Variants in ANK3 observed in about 807,000 individuals in gnomAD.
ANK3 encodes the protein ankyrin-3.
Under a neutral mutation model 370.9 loss-of-function variants are expected in ANK3, and 57 were observed. The observed-to-expected ratio is 0.15, with a 90% CI of 0.12 to 0.19. ANK3 has a LOEUF of 0.19. Among genes scored for constraint, ANK3 ranks in the 10% least tolerant of loss-of-function variants. ANK3 has a pLI of 1.00. For missense variants in ANK3, 4,439 were observed against 5,302.1 expected (o/e 0.84, Z 5.06); for synonymous variants, 1,929 against 1,946.3 (o/e 0.99, Z 0.23).
In ANK3 at chr10:60,055,770, G is replaced by A; in HGVS notation, c.12953C>T (p.Thr4318Ile). ...EETSKLIIEE[T>I]KPCVPVSMKK... ...CATACTGACAGGCACACAGGGTTTA[G>A]TCTCTTCTATTATAAGCTTGCTGGT... Residue 4318 changes from threonine to isoleucine, a missense_variant, in exon 42 of 44, where the codon ACT becomes ATT. By Grantham distance (89) the Thr-to-Ile change is moderately conservative. Transcript: ENST00000280772. The A allele has an allele frequency of 6.2e-7, 1 of 1,614,208 alleles. No homozygotes were observed. Among genetic ancestry groups the A allele is most frequent in the South Asian group, 1.1e-5 (1 of 91,088 alleles).
At chr10:60,499,661 G>C (rs922628689) in intron 2 of ANK3, among the ~76,000 whole-genome samples, 1 of 152,144 alleles carries the variant, frequency 6.6e-6, no homozygotes, top group Non-Finnish European at 1.5e-5. Context: ...TCCTACAGAA[G>C]AGCCAGACAC....
At chr10:60,409,570 G>C (rs975684565) in intron 2 of ANK3, among the ~76,000 whole-genome samples, 3 of 152,160 alleles carry the variant, frequency 2.0e-5, no homozygotes, top group African/African-American at 7.2e-5. Context: ...TTTTGCAAAA[G>C]GAGTCGGGCT....
chr10:60,687,901 A>G (rs893627010), intron 1 of ANK3, among the ~76,000 whole-genome samples: 2 of 152,212 alleles, frequency 1.3e-5, no homozygotes, highest in African/African-American at 4.8e-5. Context: ...AAATTCTGCA[A>G]TAGGCAACAA....
chr10:60,168,727 TC>T (rs1486875428), intron 21 of ANK3, among the ~76,000 whole-genome samples: 4 of 152,120 alleles, frequency 2.6e-5, no homozygotes, highest in South Asian at 2.1e-4. Context: ...CCAGTGTGTG[TC>T]CTTCCCCTCC....
chr10:60,328,190 C>T (rs539236022), intron 1 of ANK3, among the ~76,000 whole-genome samples: 1 of 151,998 alleles, frequency 6.6e-6, no homozygotes, highest in Non-Finnish European at 1.5e-5. Context: ...ACAATTGAAA[C>T]AATGGAAGCA....
At chr10:60,135,409 AGCTGCAG>A (rs907350789) in intron 24 of ANK3, among the ~76,000 whole-genome samples, 1 of 152,220 alleles carries the variant, frequency 6.6e-6, no homozygotes, top group South Asian at 2.1e-4. Flanking sequence ...CTTGGAATAG[AGCTGCAG>A]AATATAAAAC....
At chr10:60,084,503 T>C (rs755308130) in intron 32 of ANK3, 99 bp downstream of exon 32, 2 of 785,344 alleles carry the variant, frequency 2.5e-6, no homozygotes, top group Non-Finnish European at 4.0e-6. Flanking sequence ...AAATCAATAA[T>C]GCACTTGGTA....
chr10:60,639,172 C>T (rs750341134), intron 1 of ANK3, among the ~76,000 whole-genome samples: 3 of 151,400 alleles, frequency 2.0e-5, no homozygotes, highest in African/African-American at 7.3e-5. Context: ...AAAATAAGAA[C>T]GACAGAAGAT....
chr10:60,044,111 C>T (rs1179109303), intron 42 of ANK3: 12 of 985,426 alleles, frequency 1.2e-5, no homozygotes, highest in African/African-American at 1.8e-5. Flanking sequence ...GATAACAATT[C>T]GTCTTAATAC....
intron 28 of ANK3, among the ~76,000 whole-genome samples, chr10:60,099,194 GA>G (rs1229236628): frequency 6.6e-6 from 1 of 152,100 alleles, no homozygotes; most frequent in African/African-American, 2.4e-5. Context: ...CCTTCTTCCA[GA>G]AAGTTTTTCT....
intron 2 of ANK3, among the ~76,000 whole-genome samples, chr10:60,433,043 A>C (rs903827929): frequency 1.1e-4 from 16 of 152,216 alleles, no homozygotes; most frequent in Non-Finnish European, 1.9e-4. Context: ...GACTGCCCCC[A>C]GTGCTCTTTA....
chr10:60,552,980 C>T (rs936732378), intron 2 of ANK3, among the ~76,000 whole-genome samples: 13 of 152,162 alleles, frequency 8.5e-5, no homozygotes, highest in African/African-American at 1.4e-4. Context: ...CCTTGCCTTC[C>T]ACCATGATTG....
intron 7 of ANK3, among the ~76,000 whole-genome samples, chr10:60,248,005 A>G (rs1414450193): frequency 2.6e-5 from 4 of 152,216 alleles, no homozygotes; most frequent in African/African-American, 9.6e-5. Flanking sequence ...TGTAGCATGC[A>G]TCAAAATTTC....
chr10:60,196,691 C>G, intron 14 of ANK3, 66 bp from the exon 15 acceptor site: 2 of 1,001,460 alleles, frequency 2.0e-6, no homozygotes, highest in South Asian at 2.9e-5. Flanking sequence ...CACACAAAAC[C>G]CAAACCAAAC....
At chr10:60,156,855 T>C (rs1184209110) in intron 23 of ANK3, among the ~76,000 whole-genome samples, 7 of 152,120 alleles carry the variant, frequency 4.6e-5, no homozygotes, top group African/African-American at 1.7e-4. Flanking sequence ...AAGACTGGAA[T>C]AAATACCTAA....
chr10:60,683,690 T>C (rs1408427763), intron 1 of ANK3, among the ~76,000 whole-genome samples: 5 of 152,230 alleles, frequency 3.3e-5, no homozygotes, highest in Admixed American at 6.5e-5. Flanking sequence ...TTCTTCAGTT[T>C]CCTTTCTTCA....
chr10:60,086,777 G>A lies in ANK3; in HGVS notation c.3648C>T (p.Ile1216=). ...GCGGGGGCACCGGAATGGTCATTGT[G>A]ATTGGTTTATGGAATTTCCGTCTTC... The part of the protein sequence containing the change: ...EPRRRKFHKP[I]TMTIPVPPPS... Residue 1216 remains isoleucine, a synonymous_variant, in exon 30 of 44, where the codon ATC becomes ATT. Transcript: ENST00000280772. 6.2e-7 allele frequency: 1 copy of A among 1,614,020 alleles called. No homozygotes were observed. The highest frequency in any genetic ancestry group is 8.5e-7 in the Non-Finnish European group (1 of 1,179,982).
chr10:60,136,063 G>A (rs1451876184), intron 24 of ANK3, among the ~76,000 whole-genome samples: 1 of 151,582 alleles, frequency 6.6e-6, no homozygotes. Flanking sequence ...CAGGCCCTCT[G>A]TGCCCAATCA....
chr10:60,609,529 C>T (rs1392952265), intron 2 of ANK3, among the ~76,000 whole-genome samples: 4 of 80,692 alleles, frequency 5.0e-5, no homozygotes, highest in African/African-American at 1.5e-4. Flanking sequence ...AAGGGGACTT[C>T]TTTTTTCCTT....
Sources: gnomAD v4.1 joint callset for allele counts (sites outside exome capture counted in the v4.1 genomes callset) on GRCh38, gnomAD v4.1.1 for gene constraint, MANE v1.5 for transcripts, NCBI Gene and HGNC (gene_info 2026-07-23, HGNC 2026-07-21) for gene names.